TRPC5: variants seen among roughly 807,000 people sequenced by gnomAD.
The protein encoded by TRPC5 is short transient receptor potential channel 5.
TRPC5 carries 9 observed loss-of-function variants against 56.5 expected under a neutral mutation model. The observed-to-expected ratio is 0.16, with a 90% CI of 0.10 to 0.28. The LOEUF is 0.28. TRPC5 is among the 10% of genes least tolerant of loss of function. The probability of loss-of-function intolerance (pLI) is 1.00; values close to 1 mark genes in which losing one functional copy is unlikely to be tolerated. For missense variants in TRPC5, 469 were observed against 748.9 expected (o/e 0.63, Z 4.36); for synonymous variants, 282 against 278.5 (o/e 1.01, Z -0.13).
intron 3 of TRPC5, among the ~76,000 whole-genome samples, chrX:111,906,350 G>GC (rs1925622743): frequency 2.3e-5 from 1 of 43,269 alleles, no homozygotes; most frequent in Non-Finnish European, 7.2e-5. Context: ...GCGAAACTCT[G>GC]TTTAAAAAAA....
chrX:111,769,444 C>G lies in TRPC5; in HGVS notation c.*6869G>C, dbSNP rs1945831407. 9.0e-6 allele frequency among the ~76,000 whole-genome samples: 1 copy of G among 111,618 alleles called. No homozygotes were observed. The highest frequency in any genetic ancestry group is 3.7e-4 in the South Asian group (1 of 2,678). The stretch of plus-strand genomic sequence containing the variant: ...TGTGCTTATTCATGTAAGGCTACCA[C>G]TGCTCCAAGCATAATTGAAACTAGA... On this transcript the variant is annotated 3_prime_UTR_variant, in exon 11 of 11. Coordinates refer to ENST00000262839, the MANE Select transcript of TRPC5 (RefSeq NM_012471.3).
intron 6 of TRPC5, among the ~76,000 whole-genome samples, chrX:111,841,040 AG>A (rs1922714812): frequency 8.9e-6 from 1 of 112,036 alleles, no homozygotes; most frequent in Admixed American, 9.5e-5. Flanking sequence ...TGGAATTAGG[AG>A]GAAAAGCCAG....
rs1985844710 is a variant in TRPC5 at position 111,862,099 on chromosome X, T to C, written c.901-7993A>G. On this transcript the variant is annotated intron_variant, in intron 3 of 10. Transcript: ENST00000262839. ...TTCCCTTATTATCTCGTTAAAGTGA[T>C]GGATATGTTTGTACAATGAAGACAA... Among the ~76,000 whole-genome samples, 3 of 112,132 alleles carry C rather than the reference T, an allele frequency of 2.7e-5. No homozygotes were observed. The South Asian group carries it at 1.1e-3, about 41-fold the overall frequency.
chrX:112,043,296 G>C (rs1929942897), intron 1 of TRPC5, among the ~76,000 whole-genome samples: 1 of 111,713 alleles, frequency 9.0e-6, no homozygotes, highest in Non-Finnish European at 1.9e-5. Context: ...CGTATAAAAA[G>C]TACTTAAATG....
chrX:111,802,407 T>TTA (rs1312404862), intron 7 of TRPC5, among the ~76,000 whole-genome samples: 3 of 111,414 alleles, frequency 2.7e-5, no homozygotes, highest in Non-Finnish European at 5.6e-5. Flanking sequence ...CAAAAGCAAA[T>TTA]TATATTTTTA....
At chrX:112,073,293 G>A (rs771226448) in intron 1 of TRPC5, among the ~76,000 whole-genome samples, 1 of 110,942 alleles carries the variant, frequency 9.0e-6, no homozygotes, top group Admixed American at 9.6e-5. Flanking sequence ...TTTTAGAGAC[G>A]GAGTCTCACT....
At chrX:111,805,551 T>C (rs139072375) in intron 7 of TRPC5, among the ~76,000 whole-genome samples, 2 of 111,528 alleles carry the variant, frequency 1.8e-5, no homozygotes, top group Non-Finnish European at 3.8e-5. Context: ...AGCTGAAAAA[T>C]CAAGCTGTAT....
intron 1 of TRPC5, among the ~76,000 whole-genome samples, chrX:112,008,214 G>T (rs1172029062): frequency 8.9e-6 from 1 of 112,007 alleles, no homozygotes; most frequent in Non-Finnish European, 1.9e-5. Context: ...CAAGCTGCTG[G>T]GTCCTTGATG....
At chrX:112,059,676 T>C (rs1930417916) in intron 1 of TRPC5, among the ~76,000 whole-genome samples, 2 of 111,872 alleles carry the variant, frequency 1.8e-5, no homozygotes, top group Admixed American at 1.9e-4. Flanking sequence ...CAGGCTAAAG[T>C]GTTTGTTTCC....
chrX:111,808,140 A>G (rs1268945046), intron 7 of TRPC5, among the ~76,000 whole-genome samples: 1 of 109,249 alleles, frequency 9.2e-6, no homozygotes, highest in Non-Finnish European at 1.9e-5. Flanking sequence ...GCTACCATCT[A>G]TGTTTGCTCA....
chrX:111,908,073 C>T (rs1020983601), intron 3 of TRPC5, among the ~76,000 whole-genome samples: 1 of 111,933 alleles, frequency 8.9e-6, no homozygotes, highest in African/African-American at 3.2e-5. Context: ...TGGGATTATT[C>T]AGCCTTAAAC....
intron 3 of TRPC5, 61 bp downstream of exon 3, chrX:111,912,230 C>T: frequency 8.9e-7 from 1 of 1,119,574 alleles, no homozygotes; most frequent in Non-Finnish European, 1.2e-6. Context: ...GATTCTTGCT[C>T]TGCTGCTCCA....
intron 1 of TRPC5, among the ~76,000 whole-genome samples, chrX:111,977,467 AAACTT>A (rs1292788303): frequency 8.9e-6 from 1 of 112,160 alleles, no homozygotes; most frequent in Non-Finnish European, 1.9e-5. Flanking sequence ...ACTGTACACA[AAACTT>A]AAATAAAGAT....
At chrX:111,899,081 T>G (rs1925211997) in intron 3 of TRPC5, among the ~76,000 whole-genome samples, 1 of 110,552 alleles carries the variant, frequency 9.0e-6, no homozygotes, top group Non-Finnish European at 1.9e-5. Flanking sequence ...TAGCAGTTTC[T>G]TCAAGTTTCT....
chrX:111,798,221 T>C (rs1392363075), intron 7 of TRPC5, among the ~76,000 whole-genome samples: 1 of 111,739 alleles, frequency 8.9e-6, no homozygotes, highest in African/African-American at 3.2e-5. Context: ...TAAACAAGCA[T>C]AAAGATGAAG....
chrX:111,990,459 G>A (rs755406439), intron 1 of TRPC5, among the ~76,000 whole-genome samples: 61 of 111,037 alleles, frequency 5.5e-4, no homozygotes, highest in African/African-American at 2.0e-3. Context: ...GATACAAGGA[G>A]AAATTCAGTA....
At chrX:112,001,696 G>A (rs1207226222) in intron 1 of TRPC5, among the ~76,000 whole-genome samples, 5 of 111,703 alleles carry the variant, frequency 4.5e-5, no homozygotes, top group Non-Finnish European at 9.4e-5. Flanking sequence ...GGGAGTCGGA[G>A]GTTGCAGTGA....
intron 1 of TRPC5, among the ~76,000 whole-genome samples, chrX:111,977,421 C>T (rs773485911): frequency 6.3e-5 from 7 of 111,653 alleles, no homozygotes; most frequent in Admixed American, 1.9e-4. Context: ...AACTGGATAT[C>T]CAAATGCAAA....
intron 2 of TRPC5, among the ~76,000 whole-genome samples, chrX:111,919,404 T>C (rs1014735717): frequency 2.7e-5 from 3 of 111,949 alleles, no homozygotes; most frequent in Non-Finnish European, 5.6e-5. Flanking sequence ...TTCTTCACAA[T>C]AAATTATGCT....
Sources: allele counts gnomAD v4.1 joint callset (sites outside exome capture counted in the v4.1 genomes callset), GRCh38; gene constraint gnomAD v4.1.1; transcripts MANE v1.5; gene names NCBI Gene and HGNC (gene_info 2026-07-23, HGNC 2026-07-21).